Variants in GRK5 observed in about 807,000 individuals in gnomAD.
GRK5 encodes g protein-coupled receptor kinase GRK5.
Under a neutral mutation model 78.4 loss-of-function variants are expected in GRK5, and 40 were observed. The ratio of observed to expected loss-of-function variants is 0.51; its 90% confidence interval spans 0.40 to 0.66. The LOEUF is 0.66. Ranked by LOEUF, GRK5 falls within the 30% of genes least tolerant of loss-of-function variation. GRK5 has a pLI of 0.00. For missense variants in GRK5, 598 were observed against 759.9 expected, an observed-to-expected ratio of 0.79 and a Z score of 2.50; for synonymous variants, 289 against 296.8, an observed-to-expected ratio of 0.97 and a Z score of 0.27.
intron 1 of GRK5, among the ~76,000 whole-genome samples, chr10:119,313,106 G>GGTA (rs1426605209): frequency 6.9e-6 from 1 of 145,344 alleles, no homozygotes; most frequent in Non-Finnish European, 1.5e-5. Context: ...TGATGGTAAT[G>GGTA]ATGGTAGTGG....
At chr10:119,427,935 A>C (rs1251507559) in intron 6 of GRK5, among the ~76,000 whole-genome samples, 12 of 36,938 alleles carry the variant, frequency 3.2e-4, no homozygotes, top group Non-Finnish European at 6.6e-4. Context: ...TGCCATCATC[A>C]GCCTCACTGC....
chr10:119,244,012 A>G (rs942900540), intron 1 of GRK5, among the ~76,000 whole-genome samples: 2 of 152,244 alleles, frequency 1.3e-5, no homozygotes, highest in East Asian at 1.9e-4. Flanking sequence ...GCTTGATCAT[A>G]TAGTAGCTAC....
chr10:119,442,000 C>CCA lies in GRK5; in HGVS notation c.972_973dup (p.Ile325ThrfsTer11). The CCA allele has an allele frequency of 6.2e-7, 1 of 1,613,682 alleles. No homozygotes were observed. The highest frequency in any genetic ancestry group is 8.5e-7 in the Non-Finnish European group (1 of 1,179,658). ...CACTGACCCTGCTGTCCCCCTCAGG[C>CCA]CACATTAGGATCTCAGACCTGGGCT... is the stretch of plus-strand genomic sequence containing the variant. On this transcript the variant is annotated frameshift_variant and splice_region_variant, in exon 11 of 16. Coordinates refer to ENST00000392870, the MANE Select transcript of GRK5 (RefSeq NM_005308.3). LOFTEE classifies it high-confidence loss of function.
intron 15 of GRK5, among the ~76,000 whole-genome samples, chr10:119,453,574 G>A (rs1224494419): frequency 6.6e-6 from 1 of 152,132 alleles, no homozygotes; most frequent in South Asian, 2.1e-4. Flanking sequence ...CCTGTGCATC[G>A]CAAGATGTGG....
chr10:119,341,194 C>A (rs1438294629), intron 2 of GRK5, among the ~76,000 whole-genome samples: 1 of 152,222 alleles, frequency 6.6e-6, no homozygotes, highest in African/African-American at 2.4e-5. Context: ...CAGCTCCTTG[C>A]TCCCTCCAGG....
chr10:119,340,061 C>CT (rs1417048357), intron 2 of GRK5, among the ~76,000 whole-genome samples: 3 of 152,008 alleles, frequency 2.0e-5, no homozygotes, highest in African/African-American at 7.2e-5. Context: ...TGTTTTTTTT[C>CT]TTTCCTGTTT....
chr10:119,435,719 T>G (rs192314676), intron 8 of GRK5, among the ~76,000 whole-genome samples: 6 of 152,376 alleles, frequency 3.9e-5, no homozygotes, highest in Admixed American at 3.9e-4. Context: ...AACCTCTACC[T>G]GTTACCGGTT....
At chr10:119,234,843 C>A (rs1335058002) in intron 1 of GRK5, among the ~76,000 whole-genome samples, 1 of 151,614 alleles carries the variant, frequency 6.6e-6, no homozygotes, top group African/African-American at 2.4e-5. Flanking sequence ...TAGGTGCACG[C>A]CTTGTATTTT....
chr10:119,393,295 T>C (rs1233197018), intron 3 of GRK5, among the ~76,000 whole-genome samples: 2 of 152,364 alleles, frequency 1.3e-5, no homozygotes, highest in Non-Finnish European at 2.9e-5. Context: ...GTGCTCCCTC[T>C]GCCGCCCTGT....
At position 119,267,112 on chromosome 10, in the gene GRK5, G is replaced by A. The variant is rs1849510723; in HGVS notation, c.52+59143G>A. 6.6e-6 allele frequency among the ~76,000 whole-genome samples: 1 copy of A among 151,984 alleles called. No homozygotes were observed. Among genetic ancestry groups the A allele is most frequent in the Non-Finnish European group, 1.5e-5 (1 of 67,994 alleles). On this transcript the variant is annotated intron_variant, in intron 1 of 15. Coordinates refer to ENST00000392870, the MANE Select transcript of GRK5 (RefSeq NM_005308.3). The surrounding 1 kb of genome is among the most constrained non-coding windows in gnomAD (Gnocchi z 4.1). ...ACAAAAATTAGCCAGGCATGGTGGCGGGCGCCTGTAATCTCAGCTACTCAG... is the reference window on the plus strand; with the variant it reads ...ACAAAAATTAGCCAGGCATGGTGGCAGGCGCCTGTAATCTCAGCTACTCAG...
intron 1 of GRK5, among the ~76,000 whole-genome samples, chr10:119,274,363 C>T (rs1267099662): frequency 6.6e-6 from 1 of 152,182 alleles, no homozygotes; most frequent in Non-Finnish European, 1.5e-5. Context: ...GGTGGGGCTG[C>T]ATGTGGGCAT....
chr10:119,208,766 G>A (rs1848431172), intron 1 of GRK5: 1 of 151,882 alleles, frequency 6.6e-6, no homozygotes, highest in Admixed American at 6.6e-5. Context: ...CAAACCCTAA[G>A]AACGCATATT....
chr10:119,437,171 G>T (rs927271681), intron 9 of GRK5, among the ~76,000 whole-genome samples: 1 of 152,248 alleles, frequency 6.6e-6, no homozygotes, highest in Admixed American at 6.5e-5. Flanking sequence ...CTCCATCCCA[G>T]CAGCCAGGGA....
intron 10 of GRK5, among the ~76,000 whole-genome samples, chr10:119,441,534 G>A (rs1853035412): frequency 6.6e-6 from 1 of 152,248 alleles, no homozygotes; most frequent in Non-Finnish European, 1.5e-5. Context: ...TTTCTCTAAA[G>A]TGAAAAACAA....
chr10:119,312,010 G>A (rs1303297124), intron 1 of GRK5, among the ~76,000 whole-genome samples: 2 of 145,700 alleles, frequency 1.4e-5, no homozygotes, highest in East Asian at 2.1e-4. Context: ...TCCACCTCCC[G>A]GGTTCACGCC....
chr10:119,280,946 A>C (rs1376131793), intron 1 of GRK5, among the ~76,000 whole-genome samples: 7 of 151,674 alleles, frequency 4.6e-5, no homozygotes, highest in Non-Finnish European at 8.8e-5. Context: ...CGCCCAGCTA[A>C]TTTTTGTATT....
chr10:119,438,757 C>T (rs903609971), intron 9 of GRK5, among the ~76,000 whole-genome samples: 5 of 152,190 alleles, frequency 3.3e-5, no homozygotes, highest in African/African-American at 1.2e-4. Flanking sequence ...TGGTGGCAGC[C>T]GGCTTGTTGA....
chr10:119,426,899 C>A (rs976392329), intron 6 of GRK5, among the ~76,000 whole-genome samples: 4 of 152,380 alleles, frequency 2.6e-5, no homozygotes, highest in African/African-American at 4.8e-5. Context: ...TCAACAGCAT[C>A]ACCACCATCA....
intron 1 of GRK5, among the ~76,000 whole-genome samples, chr10:119,224,396 AT>A (rs1330384222): frequency 1.9e-4 from 5 of 26,166 alleles, no homozygotes; most frequent in Non-Finnish European, 1.5e-3. Context: ...TTTATTATTT[AT>A]TTATTTATTT....
Sources: gnomAD v4.1 joint callset for allele counts (sites outside exome capture counted in the v4.1 genomes callset) on GRCh38, gnomAD v4.1.1 for gene constraint, Gnocchi (gnomAD v3.1) non-coding constraint, MANE v1.5 for transcripts, NCBI Gene and HGNC (gene_info 2026-07-23, HGNC 2026-07-21) for gene names.